RIMS3: variants seen among roughly 807,000 people sequenced by gnomAD.
RIMS3 encodes regulating synaptic membrane exocytosis 3.
A neutral mutation model predicts 29.2 loss-of-function variants in RIMS3; 15 were observed. The ratio of observed to expected loss-of-function variants is 0.51; its 90% CI spans 0.34 to 0.79. RIMS3 has a LOEUF of 0.79. RIMS3 is among the 30% of genes least tolerant of loss of function. RIMS3 has a pLI of 0.01. For missense variants in RIMS3, 342 were observed against 421.4 expected, an observed-to-expected ratio of 0.81 and a Z score of 1.65; for synonymous variants, 161 against 170.1, an observed-to-expected ratio of 0.95 and a Z score of 0.41.
In RIMS3 at chr1:40,635,301, A is replaced by G. The variant is rs1646512471; in HGVS notation, c.359+615T>C. On this transcript the variant is annotated intron_variant, in intron 4 of 7. Coordinates refer to ENST00000372684, the MANE Select transcript of RIMS3 (RefSeq NM_014747.3). This position sits in a 1 kb window ranked among gnomAD's most constrained non-coding sequence, Gnocchi z 4.1. Reference sequence around the variant, plus strand: ...ATGCAACCTACATGTAAGAAAGGAGATTTAACATCATGACCCAGGACAGAC... The same window carrying G: ...ATGCAACCTACATGTAAGAAAGGAGGTTTAACATCATGACCCAGGACAGAC... Among the ~76,000 whole-genome samples, 1 of 152,232 alleles carries G rather than the reference A, an allele frequency of 6.6e-6. No individual in the cohort carries two copies. Among genetic ancestry groups the G allele is most frequent in the Non-Finnish European group, 1.5e-5 (1 of 68,042 alleles).
At chr1:40,638,657 G>A (rs559203053) in intron 3 of RIMS3, among the ~76,000 whole-genome samples, 16 of 152,272 alleles carry the variant, frequency 1.1e-4, no homozygotes, top group East Asian at 1.9e-4. Flanking sequence ...TACTAGCTCC[G>A]TTTGGGCAGG....
Position 40,635,879 on chromosome 1 carries a change from G to C in RIMS3, c.359+37C>G. On this transcript the variant is annotated intron_variant, in intron 4 of 7. Coordinates refer to ENST00000372684, the MANE Select transcript of RIMS3 (RefSeq NM_014747.3). This position sits in a 1 kb window ranked among gnomAD's most constrained non-coding sequence, Gnocchi z 4.1. Reference sequence around the variant, plus strand: ...GTGGCTCTGTGACTGGAGGACCGAGGAGGAGGGAGGGGACCACAGCACGGG... The same window carrying C: ...GTGGCTCTGTGACTGGAGGACCGAGCAGGAGGGAGGGGACCACAGCACGGG... 1.2e-6 allele frequency: 2 copies of C among 1,604,910 alleles called. No homozygotes were observed. The highest frequency in any genetic ancestry group is 1.7e-6 in the Non-Finnish European group (2 of 1,175,020).
chr1:40,649,637 C>G (rs1166957872), intron 1 of RIMS3, among the ~76,000 whole-genome samples: 1 of 152,246 alleles, frequency 6.6e-6, no homozygotes, highest in Non-Finnish European at 1.5e-5. Flanking sequence ...AGCCCCCAAT[C>G]TCACTCGCCT....
chr1:40,642,608 A>G (rs191729341), intron 2 of RIMS3, among the ~76,000 whole-genome samples: 324 of 152,310 alleles, frequency 2.1e-3, no homozygotes, highest in Non-Finnish European at 3.5e-3. Flanking sequence ...AGTTTTTAAA[A>G]TAACTGAACT....
the RIMS3 span, chr1:40,691,180 G>C: frequency 6.6e-6 from 1 of 152,424 alleles, no homozygotes; most frequent in Non-Finnish European, 1.5e-5. Context: ...AAGGTTACAA[G>C]CTAACTATTC....
At chr1:40,629,138 C>T in intron 6 of RIMS3, 133 bp downstream of exon 6, 1 of 1,077,092 alleles carries the variant, frequency 9.3e-7, no homozygotes, top group Non-Finnish European at 1.4e-6. Context: ...CACCTAGTCA[C>T]TGGCCTTCCA....
chr1:40,665,034 G>C (rs1642404527), intron 1 of RIMS3, among the ~76,000 whole-genome samples: 1 of 152,150 alleles, frequency 6.6e-6, no homozygotes, highest in East Asian at 1.9e-4. Flanking sequence ...GAGAAAAGCA[G>C]GCTGCCTTCC....
chr1:40,674,982 C>G, the RIMS3 span, among the ~76,000 whole-genome samples: 1 of 152,162 alleles, frequency 6.6e-6, no homozygotes, highest in African/African-American at 2.4e-5. Flanking sequence ...ATTGTTGTCC[C>G]AGGCATGGCG....
chr1:40,623,432 A>G lies in RIMS3; in HGVS notation c.*3085T>C, dbSNP rs1244269156. The G allele has an allele frequency of 2.0e-5, 8 of 398,532 alleles. No homozygotes were observed. Among genetic ancestry groups the G allele is most frequent in the Non-Finnish European group, 3.5e-5 (8 of 226,100 alleles). 24.7% of individuals were successfully genotyped at this position (398,532 alleles called of 1,614,324 possible). On this transcript the variant is annotated 3_prime_UTR_variant, in exon 8 of 8. Coordinates refer to ENST00000372684, the MANE Select transcript of RIMS3 (RefSeq NM_014747.3). ...CAAAGACAGACGCTCTGAGTCATCC[A>G]TCACTGTCCCTGCCCACAACCCAAC...
the RIMS3 span, among the ~76,000 whole-genome samples, chr1:40,672,167 AT>A: frequency 6.7e-6 from 1 of 149,418 alleles, no homozygotes; most frequent in Non-Finnish European, 1.5e-5. Flanking sequence ...CATCTTTGAG[AT>A]GGTAGAGGTA....
At position 40,624,925 on chromosome 1, in the gene RIMS3, G is replaced by A. The variant is rs1388515054; in HGVS notation, c.*1592C>T. On this transcript the variant is annotated 3_prime_UTR_variant, in exon 8 of 8. Coordinates refer to ENST00000372684, the MANE Select transcript of RIMS3 (RefSeq NM_014747.3). ...TCAGCACCTGGGGATAATGCCTGGA[G>A]AGAGGTGGAAAGAGTGCCTTCCACA... The A allele has an allele frequency of 6.6e-6, 1 of 152,440 alleles. No homozygotes were observed. The highest frequency in any genetic ancestry group is 6.5e-5 in the Admixed American group (1 of 15,280). 9.4% of individuals were successfully genotyped at this position (152,440 alleles called of 1,614,324 possible). A position where few individuals can be genotyped will look rare whatever the true frequency, so the allele number is the denominator to read the frequency against.
intron 1 of RIMS3, among the ~76,000 whole-genome samples, chr1:40,663,452 AACC>A (rs1345368512): frequency 6.6e-6 from 1 of 152,016 alleles, no homozygotes; most frequent in Admixed American, 6.5e-5. Flanking sequence ...TAATGAAATC[AACC>A]ACCAGCCTGC....
At chr1:40,638,573 C>T (rs1273032246) in intron 3 of RIMS3, among the ~76,000 whole-genome samples, 5 of 152,212 alleles carry the variant, frequency 3.3e-5, no homozygotes, top group Non-Finnish European at 7.4e-5. Context: ...CTGGAATGGT[C>T]CTGAGCCCTC....
intron 3 of RIMS3, among the ~76,000 whole-genome samples, chr1:40,638,992 G>A (rs579448): frequency 0.42 from 63,980 of 152,020 alleles, 13,838 homozygotes; most frequent in Middle Eastern, 0.49. Flanking sequence ...AGGCAGGAGA[G>A]CTAGAGAGGA....
chr1:40,685,170 G>A, the RIMS3 span, among the ~76,000 whole-genome samples: 1 of 151,626 alleles, frequency 6.6e-6, no homozygotes, highest in Admixed American at 6.6e-5. Context: ...CAGAAGATGT[G>A]CTATGGTAGG....
chr1:40,647,003 C>T (rs1005426411), intron 2 of RIMS3, among the ~76,000 whole-genome samples: 5 of 152,022 alleles, frequency 3.3e-5, no homozygotes, highest in African/African-American at 1.2e-4. Context: ...GCCTCAGCCT[C>T]CCAAGTAGCT....
chr1:40,631,855 T>A (rs1033850771), intron 5 of RIMS3, among the ~76,000 whole-genome samples: 2 of 149,504 alleles, frequency 1.3e-5, no homozygotes, highest in African/African-American at 2.5e-5. Flanking sequence ...GCCTGTAATC[T>A]CAGCTACTCA....
intron 7 of RIMS3, 87 bp downstream of exon 7, chr1:40,628,711 CCACAGCACCTGG>C: frequency 6.6e-7 from 1 of 1,508,356 alleles, no homozygotes; most frequent in South Asian, 1.1e-5. Flanking sequence ...AATGCACCTA[CCACAGCACCTGG>C]CACAGGATGA....
intron 6 of RIMS3, 109 bp from the exon 7 acceptor site, chr1:40,629,058 G>C: frequency 7.1e-7 from 1 of 1,408,128 alleles, no homozygotes. Flanking sequence ...TGTGTGGAAT[G>C]AGCCAGCCAG....
Sources: allele counts gnomAD v4.1 joint callset (sites outside exome capture counted in the v4.1 genomes callset), GRCh38; gene constraint gnomAD v4.1.1; non-coding constraint Gnocchi (gnomAD v3.1); transcripts MANE v1.5; gene names NCBI Gene and HGNC (gene_info 2026-07-23, HGNC 2026-07-21).